NRL: variants seen among roughly 807,000 people sequenced by gnomAD.
NRL encodes neural retina-specific leucine zipper protein.
In NRL, 16 loss-of-function variants were observed where a neutral mutation model predicts 12.5. The observed-to-expected ratio is 1.28, with a 90% confidence interval of 0.87 to 1.95. The LOEUF is 1.95. NRL is among the 30% of genes most tolerant of loss of function. The pLI, the probability that NRL is intolerant of heterozygous loss-of-function variation, is 0.00. For synonymous variants in NRL, 142 were observed against 150.9 expected (o/e 0.94, Z 0.43); for missense variants, 314 against 325.8 (o/e 0.96, Z 0.28).
At chr14:24,099,049 G>C in intron 1 of NRL, 1 of 1,598,708 alleles carries the variant, frequency 6.3e-7, no homozygotes, top group Non-Finnish European at 8.6e-7. Flanking sequence ...TTGTCCCCAG[G>C]GGAGCCAGTG....
At position 24,081,850 on chromosome 14, in the gene NRL, C is replaced by A; in HGVS notation, c.382-282G>T. 1 of 1,390,134 alleles carries A rather than the reference C, an allele frequency of 7.2e-7. No individual in the cohort carries two copies. The highest frequency in any genetic ancestry group is 9.3e-7 in the Non-Finnish European group (1 of 1,071,288). 86.1% of individuals were successfully genotyped at this position (1,390,134 alleles called of 1,614,324 possible). A position where few individuals can be genotyped will look rare whatever the true frequency, so the allele number is the denominator to read the frequency against. On this transcript the variant is annotated intron_variant, in intron 2 of 2. Transcript: ENST00000561028. The surrounding 1 kb of genome is among the most constrained non-coding windows in gnomAD (Gnocchi z 4.4). ...CCGTCGCGCACCTAAACCCCGGGCT[C>A]GTCTCTGGGATCCCCGGCATCCAGC...
chr14:24,096,831 C>G (rs2036906227), intron 1 of NRL: 3 of 1,500,142 alleles, frequency 2.0e-6, no homozygotes, highest in Non-Finnish European at 2.7e-6. Context: ...TGTCTCTCCA[C>G]CACCTGCCTT....
intron 1 of NRL, chr14:24,100,262 T>C: frequency 1.3e-6 from 2 of 1,598,826 alleles, no homozygotes; most frequent in Middle Eastern, 3.3e-4. Flanking sequence ...CTCAGCACCT[T>C]AATGGTGGAA....
At chr14:24,103,709 C>T in intron 1 of NRL, 2 of 1,614,206 alleles carry the variant, frequency 1.2e-6, no homozygotes, top group Non-Finnish European at 1.7e-6. Flanking sequence ...GGGTGCTAGA[C>T]TGGATCTGCC....
intron 1 of NRL, chr14:24,102,692 A>G (rs781577564): frequency 1.9e-4 from 266 of 1,399,644 alleles, no homozygotes; most frequent in Non-Finnish European, 2.6e-4. Context: ...GTGCCCATGT[A>G]TGTGTGTGTT....
intron 1 of NRL, among the ~76,000 whole-genome samples, chr14:24,106,613 C>T (rs543100710): frequency 6.6e-6 from 1 of 151,938 alleles, no homozygotes; most frequent in South Asian, 2.1e-4. Flanking sequence ...TCCAGCTACT[C>T]AGGAAGCTGA....
At chr14:24,106,135 G>C (rs981568130) in intron 1 of NRL, among the ~76,000 whole-genome samples, 8 of 152,292 alleles carry the variant, frequency 5.3e-5, no homozygotes, top group African/African-American at 1.9e-4. Flanking sequence ...GAGTAATCAG[G>C]AAAACAGTGC....
chr14:24,109,808 C>A (rs941604261), intron 1 of NRL, among the ~76,000 whole-genome samples: 1 of 151,946 alleles, frequency 6.6e-6, no homozygotes, highest in Non-Finnish European at 1.5e-5. Flanking sequence ...TGTCATAAAA[C>A]CTCAGTTATT....
Position 24,081,809 on chromosome 14 carries a change from C to A in NRL, c.382-241G>T, listed in dbSNP as rs1238125493. 1.4e-6 allele frequency: 2 copies of A among 1,474,808 alleles called. No homozygotes were observed. The highest frequency in any genetic ancestry group is 1.8e-6 in the Non-Finnish European group (2 of 1,117,622). 91.4% of individuals were successfully genotyped at this position (1,474,808 alleles called of 1,614,324 possible). ...CGGGCGCCCCACGGTGCAGGGCCGG[C>A]CACGGTCAGGCGAGCCCGTCGCGCA... is the stretch of plus-strand genomic sequence containing the variant. On this transcript the variant is annotated intron_variant, in intron 2 of 2. Transcript: ENST00000561028. The surrounding 1 kb of genome is among the most constrained non-coding windows in gnomAD (Gnocchi z 4.4).
At chr14:24,113,365 A>G (rs1420162356) in intron 1 of NRL, among the ~76,000 whole-genome samples, 3 of 150,870 alleles carry the variant, frequency 2.0e-5, no homozygotes, top group African/African-American at 7.4e-5. Flanking sequence ...GTACCCTAAA[A>G]CTTAGAGTAT....
chr14:24,096,544 C>T (rs1018112541), intron 1 of NRL, among the ~76,000 whole-genome samples: 4 of 152,130 alleles, frequency 2.6e-5, no homozygotes, highest in African/African-American at 7.2e-5. Flanking sequence ...CATCTCCCTA[C>T]TTATTTCTAA....
intron 1 of NRL, chr14:24,098,770 C>G: frequency 9.1e-7 from 1 of 1,093,204 alleles, no homozygotes; most frequent in Non-Finnish European, 1.3e-6. Flanking sequence ...CCCTAAGAAC[C>G]TGTCCTCTCT....
rs1238125493 is a variant in NRL at position 24,081,809 on chromosome 14, C to T, written c.382-241G>A. 3 of 1,474,812 alleles carry T rather than the reference C, an allele frequency of 2.0e-6. No individual in the cohort carries two copies. The highest frequency in any genetic ancestry group is 2.7e-6 in the Non-Finnish European group (3 of 1,117,622). 91.4% of individuals were successfully genotyped at this position (1,474,812 alleles called of 1,614,324 possible). ...CGGGCGCCCCACGGTGCAGGGCCGG[C>T]CACGGTCAGGCGAGCCCGTCGCGCA... On this transcript the variant is annotated intron_variant, in intron 2 of 2. Coordinates refer to ENST00000561028, the MANE Select transcript of NRL (RefSeq NM_001354768.3). This position sits in a 1 kb window ranked among gnomAD's most constrained non-coding sequence, Gnocchi z 4.4.
intron 1 of NRL, chr14:24,103,181 C>T: frequency 6.2e-7 from 1 of 1,613,836 alleles, no homozygotes; most frequent in Non-Finnish European, 8.5e-7. Flanking sequence ...GTATACGAGG[C>T]CTTCAACTGG....
At position 24,082,807 on chromosome 14, in the gene NRL, A is replaced by T. The variant is rs750789598; in HGVS notation, c.42T>A (p.Asn14Lys). The T allele has an allele frequency of 1.9e-6, 3 of 1,614,134 alleles. No homozygotes were observed. Among genetic ancestry groups the T allele is most frequent in the Non-Finnish European group, 2.5e-6 (3 of 1,180,000 alleles). The change falls in exon 2 of 3, where the codon AAT becomes AAA. Residue 14 changes from asparagine to lysine, a missense_variant. Transcript: ENST00000561028. Reference protein sequence around the residue: ...PPSPLAMEYVNDFDLMKFEVK... With the variant: ...PPSPLAMEYVKDFDLMKFEVK... ...CCTCAAACTTCATCAAGTCAAAGTC[A>T]TTGACATATTCCATGGCCAGGGGGC...
chr14:24,081,199 C>T lies in NRL; in HGVS notation c.*37G>A. On this transcript the variant is annotated 3_prime_UTR_variant, in exon 3 of 3. Coordinates refer to ENST00000561028, the MANE Select transcript of NRL (RefSeq NM_001354768.3). The surrounding 1 kb of genome is among the most constrained non-coding windows in gnomAD (Gnocchi z 4.4). ...CCGCCTCCTGGGCGGAGCCACCCCACCCAGCCCCCACTACACCACAAGGTG... is the reference window on the plus strand; with the variant it reads ...CCGCCTCCTGGGCGGAGCCACCCCATCCAGCCCCCACTACACCACAAGGTG... 1 of 1,371,204 alleles carries T rather than the reference C, an allele frequency of 7.3e-7. No homozygotes were observed. Among genetic ancestry groups the T allele is most frequent in the East Asian group, 3.0e-5 (1 of 33,366 alleles). The allele number at this position is 1,371,204 out of a possible 1,614,324, so 84.9% of individuals were successfully genotyped here.
At chr14:24,102,542 A>T (rs1371046303) in intron 1 of NRL, 1 of 543,662 alleles carries the variant, frequency 1.8e-6, no homozygotes, top group Admixed American at 3.3e-5. Flanking sequence ...CTTTTCTCAC[A>T]TAGCTCAGCT....
At chr14:24,102,552 T>C in intron 1 of NRL, 1 of 572,730 alleles carries the variant, frequency 1.7e-6, no homozygotes, top group African/African-American at 1.9e-5. Context: ...ATAGCTCAGC[T>C]GGCCGCACCT....
rs756635898 is a variant in NRL at position 24,082,584 on chromosome 14, C to G, written c.265G>C (p.Gly89Arg). 5.0e-5 allele frequency: 80 copies of G among 1,613,692 alleles called. No individual in the cohort carries two copies. Among genetic ancestry groups the G allele is most frequent in the Non-Finnish European group, 6.5e-5 (77 of 1,180,020 alleles). Residue 89 changes from glycine to arginine, a missense_variant, in exon 2 of 3, where the codon GGG (glycine) becomes CGG (arginine). Gly to Arg is a moderately radical substitution (Grantham distance 125). Coordinates refer to ENST00000561028, the MANE Select transcript of NRL (RefSeq NM_001354768.3). ...TCCATGGCCTCTTCAGGACTCAGCC[C>G]CAATGCCTCCCCAGCCCCCAGCTGC... ...QQQLGAGEAL[G>R]LSPEEAMELL...
Sources: allele counts gnomAD v4.1 joint callset (sites outside exome capture counted in the v4.1 genomes callset), GRCh38; gene constraint gnomAD v4.1.1; non-coding constraint Gnocchi (gnomAD v3.1); transcripts MANE v1.5; gene names NCBI Gene and HGNC (gene_info 2026-07-23, HGNC 2026-07-21).